Variants in GPC4 observed in about 807,000 individuals in gnomAD.
GPC4 encodes the protein glypican 4.
In GPC4, 10 loss-of-function variants were observed where a neutral mutation model predicts 35.0. The ratio of observed to expected loss-of-function variants is 0.29; its 90% CI spans 0.18 to 0.48. The LOEUF (loss-of-function observed/expected upper bound fraction) is 0.48. Ranked by LOEUF, GPC4 falls within the 20% of genes least tolerant of loss-of-function variation. The pLI, the probability that GPC4 is intolerant of heterozygous loss-of-function variation, is 0.99. For missense variants in GPC4, 322 were observed against 451.3 expected, an observed-to-expected ratio of 0.71 and a Z score of 2.60; for synonymous variants, 167 against 170.2, an observed-to-expected ratio of 0.98 and a Z score of 0.15.
At chrX:133,402,408 A>T (rs1212217534) in intron 1 of GPC4, among the ~76,000 whole-genome samples, 1 of 112,540 alleles carries the variant, frequency 8.9e-6, no homozygotes, top group Non-Finnish European at 1.9e-5. Flanking sequence ...GAAGGTGAAC[A>T]GAAGAAAGAA....
intron 1 of GPC4, among the ~76,000 whole-genome samples, chrX:133,374,436 T>C (rs2068625233): frequency 9.0e-6 from 1 of 111,091 alleles, no homozygotes; most frequent in Non-Finnish European, 1.9e-5. Flanking sequence ...TCACAAAGAG[T>C]AGGGCCAGGG....
At chrX:133,315,834 T>G (rs2068335916) in intron 3 of GPC4, among the ~76,000 whole-genome samples, 2 of 111,721 alleles carry the variant, frequency 1.8e-5, no homozygotes, top group South Asian at 3.8e-4. Context: ...TAGATATTAG[T>G]AAGTTCCAGA....
At chrX:133,377,651 C>T (rs2124163672) in intron 1 of GPC4, among the ~76,000 whole-genome samples, 1 of 111,147 alleles carries the variant, frequency 9.0e-6, no homozygotes, top group Admixed American at 9.6e-5. Flanking sequence ...TCTATATTAG[C>T]TCCTTTGATC....
chrX:133,315,994 C>A (rs1368679185), intron 3 of GPC4, among the ~76,000 whole-genome samples: 1 of 111,352 alleles, frequency 9.0e-6, no homozygotes, highest in East Asian at 2.8e-4. Context: ...TCCTCCCTTC[C>A]CCCTTTAAAT....
intron 1 of GPC4, among the ~76,000 whole-genome samples, chrX:133,374,594 T>C (rs1402583999): frequency 8.9e-6 from 1 of 111,945 alleles, no homozygotes; most frequent in Non-Finnish European, 1.9e-5. Flanking sequence ...TCTGACTGTA[T>C]GACCTTGAGA....
intron 3 of GPC4, among the ~76,000 whole-genome samples, chrX:133,321,623 A>G (rs2124118046): frequency 8.9e-6 from 1 of 112,468 alleles, no homozygotes; most frequent in East Asian, 2.8e-4. Flanking sequence ...GAGGATGAAC[A>G]TGAGGAATTG....
At chrX:133,384,759 C>T (rs770998017) in intron 1 of GPC4, among the ~76,000 whole-genome samples, 7 of 111,961 alleles carry the variant, frequency 6.3e-5, no homozygotes, top group Non-Finnish European at 1.1e-4. Flanking sequence ...CCTTCCCTTA[C>T]GCCTCCTGCA....
At chrX:133,386,185 T>C (rs1468353250) in intron 1 of GPC4, among the ~76,000 whole-genome samples, 2 of 103,220 alleles carry the variant, frequency 1.9e-5, no homozygotes, top group Admixed American at 2.1e-4. Context: ...CAGTGAGCTA[T>C]GATTGTACCA....
At position 133,301,324 on chromosome X, in the gene GPC4, A is replaced by G. The variant is rs2068266277; in HGVS notation, c.*1543T>C. On this transcript the variant is annotated 3_prime_UTR_variant, in exon 9 of 9. Transcript: ENST00000370828. Reference sequence around the variant, plus strand: ...GATCTTAATGGCTGTCTAAAGCAGGAAGAGACAGAATTTTAGTCTTTCTGA... The same window carrying G: ...GATCTTAATGGCTGTCTAAAGCAGGGAGAGACAGAATTTTAGTCTTTCTGA... 1 of 113,111 alleles carries G rather than the reference A, an allele frequency of 8.8e-6. No homozygotes were observed. The highest frequency in any genetic ancestry group is 9.4e-5 in the Admixed American group (1 of 10,666). 9.3% of individuals were successfully genotyped at this position (113,111 alleles called of 1,213,427 possible).
intron 7 of GPC4, among the ~76,000 whole-genome samples, chrX:133,303,628 G>T (rs1350436868): frequency 9.0e-6 from 1 of 110,749 alleles, no homozygotes; most frequent in Non-Finnish European, 1.9e-5. Flanking sequence ...AAGGTGGGTG[G>T]ATCACTTGAG....
At chrX:133,409,320 TAAAAAAA>T (rs36008423) in intron 1 of GPC4, among the ~76,000 whole-genome samples, 5 of 31,795 alleles carry the variant, frequency 1.6e-4, no homozygotes, top group African/African-American at 4.9e-4. Flanking sequence ...GACCCTGCCT[TAAAAAAA>T]AAAAAAAAAA....
rs754697887 is a variant in GPC4 at position 133,407,828 on chromosome X, C to T, written c.160+6978G>A. Among the ~76,000 whole-genome samples the T allele has an allele frequency of 1.5e-3, 168 of 112,425 alleles. 1 individual carries two copies. Among genetic ancestry groups the T allele is most frequent in the Admixed American group, 3.3e-3 (35 of 10,607 alleles). On this transcript the variant is annotated intron_variant, in intron 1 of 8. Transcript: ENST00000370828. ...CTTTTACTCTGCCAGTTAGTCATGC[C>T]GGGTTCTTTTTTTCTTCCCCCGAGC...
At chrX:133,372,209 C>T (rs776598334) in intron 1 of GPC4, among the ~76,000 whole-genome samples, 20 of 87,355 alleles carry the variant, frequency 2.3e-4, no homozygotes, top group African/African-American at 8.7e-4. Context: ...CTGGGCGACA[C>T]AGCGACTCCG....
chrX:133,317,923 A>C (rs899618580), intron 3 of GPC4, among the ~76,000 whole-genome samples: 1 of 112,221 alleles, frequency 8.9e-6, no homozygotes, highest in Non-Finnish European at 1.9e-5. Flanking sequence ...AAATCTAAAA[A>C]GCATAACAAA....
At chrX:133,309,351 A>G (rs2068304570) in intron 4 of GPC4, among the ~76,000 whole-genome samples, 3 of 112,540 alleles carry the variant, frequency 2.7e-5, no homozygotes, top group Non-Finnish European at 3.7e-5. Context: ...AAGAACAACA[A>G]CAGCAACTTA....
chrX:133,409,256 G>A (rs2068802453), intron 1 of GPC4, among the ~76,000 whole-genome samples: 1 of 98,946 alleles, frequency 1.0e-5, no homozygotes, highest in Admixed American at 1.2e-4. Flanking sequence ...CTGGGAGGCA[G>A]AGGTTGCGAT....
At chrX:133,348,127 T>TA (rs758588872) in intron 1 of GPC4, among the ~76,000 whole-genome samples, 1 of 112,800 alleles carries the variant, frequency 8.9e-6, no homozygotes, top group African/African-American at 3.2e-5. Flanking sequence ...ATAATAGCTT[T>TA]AAACTGCACT....
intron 1 of GPC4, among the ~76,000 whole-genome samples, chrX:133,393,265 C>G (rs1017653672): frequency 3.6e-5 from 4 of 110,912 alleles, no homozygotes; most frequent in African/African-American, 1.3e-4. Context: ...AAGTGAGACA[C>G]ACAGACATGT....
intron 3 of GPC4, among the ~76,000 whole-genome samples, chrX:133,318,236 G>A (rs1396251309): frequency 8.9e-6 from 1 of 112,019 alleles, no homozygotes; most frequent in Non-Finnish European, 1.9e-5. Flanking sequence ...TTGAATATGT[G>A]TCTACACTTT....
Sources: allele counts gnomAD v4.1 joint callset (sites outside exome capture counted in the v4.1 genomes callset), GRCh38; gene constraint gnomAD v4.1.1; transcripts MANE v1.5; gene names NCBI Gene and HGNC (gene_info 2026-07-23, HGNC 2026-07-21).